The following RASGRP3 variants were observed in gnomAD, a reference collection of about 807,000 sequenced individuals.
RASGRP3 encodes the protein ras guanyl-releasing protein 3.
In RASGRP3, 54 loss-of-function variants were observed where a neutral mutation model predicts 82.7. That is an observed-to-expected ratio of 0.65 (90% CI 0.52 to 0.82). The LOEUF (loss-of-function observed/expected upper bound fraction) is 0.82. RASGRP3 is among the 40% of genes least tolerant of loss of function. The probability of loss-of-function intolerance (pLI) is 0.00; values close to 1 mark genes in which losing one functional copy is unlikely to be tolerated. For synonymous variants in RASGRP3, 309 were observed against 300.5 expected (o/e 1.03, Z -0.29); for missense variants, 861 against 828.9 (o/e 1.04, Z -0.48).
At chr2:33,437,033 ATATATAAAATTTAAATTT>A (rs1244938032) in intron 1 of RASGRP3, among the ~76,000 whole-genome samples, 2 of 151,854 alleles carry the variant, frequency 1.3e-5, no homozygotes, top group Admixed American at 1.3e-4. Flanking sequence ...TATAAAAGTT[ATATATAAAATTTAAATTT>A]TGTATAAAAT....
At chr2:33,559,767 T>C in intron 17 of RASGRP3, 2 of 405,620 alleles carry the variant, frequency 4.9e-6, no homozygotes, top group Non-Finnish European at 9.9e-6. Flanking sequence ...ATTGTTCTCA[T>C]AAACAGAATA....
intron 12 of RASGRP3, among the ~76,000 whole-genome samples, chr2:33,543,174 A>C (rs1019252108): frequency 2.0e-5 from 3 of 152,066 alleles, no homozygotes; most frequent in Non-Finnish European, 4.4e-5. Flanking sequence ...CACCGTGCCC[A>C]GCTAATTAAA....
chr2:33,460,841 C>A (rs1307770269), intron 2 of RASGRP3, among the ~76,000 whole-genome samples: 1 of 152,098 alleles, frequency 6.6e-6, no homozygotes, highest in Non-Finnish European at 1.5e-5. Context: ...TAACATAAAT[C>A]ACACACACAG....
intron 2 of RASGRP3, among the ~76,000 whole-genome samples, chr2:33,451,154 G>T (rs564393479): frequency 2.8e-4 from 43 of 151,998 alleles, no homozygotes; most frequent in African/African-American, 1.0e-3. Flanking sequence ...GTGAGCCACC[G>T]TGCCCAGCTG....
intron 1 of RASGRP3, among the ~76,000 whole-genome samples, chr2:33,480,262 C>T (rs1460839958): frequency 6.6e-6 from 1 of 152,136 alleles, no homozygotes; most frequent in Non-Finnish European, 1.5e-5. Context: ...CCAGGATGCT[C>T]TCGATCTCCT....
intron 11 of RASGRP3, among the ~76,000 whole-genome samples, chr2:33,535,766 C>T (rs1673544094): frequency 6.6e-6 from 1 of 152,216 alleles, no homozygotes; most frequent in African/African-American, 2.4e-5. Context: ...CTCTTTAAAG[C>T]TAGCAAGAGT....
intron 11 of RASGRP3, among the ~76,000 whole-genome samples, chr2:33,538,057 A>T (rs985148929): frequency 6.6e-6 from 1 of 152,236 alleles, no homozygotes; most frequent in Non-Finnish European, 1.5e-5. Flanking sequence ...CTGATCACTA[A>T]GTATTAGAGA....
chr2:33,558,333 C>G lies in RASGRP3; in HGVS notation c.1702C>G (p.Pro568Ala). ...GSLPGSPSLP[P>A]AQDEVFEFPG... The stretch of plus-strand genomic sequence containing the variant: ...ACTGCCTGGAAGCCCCTCGCTGCCC[C>G]CAGGTAATGCCCTCTGCTTTCTTTG... The change falls in exon 16 of 18, where the codon CCA becomes GCA. Residue 568 changes from proline to alanine, a missense_variant. Coordinates refer to ENST00000403687, the MANE Select transcript of RASGRP3 (RefSeq NM_001139488.2). The G allele has an allele frequency of 6.2e-7, 1 of 1,613,240 alleles. No individual in the cohort carries two copies. Among genetic ancestry groups the G allele is most frequent in the Non-Finnish European group, 8.5e-7 (1 of 1,179,874 alleles).
chr2:33,524,663 T>A, intron 9 of RASGRP3, 115 bp downstream of exon 9: 1 of 748,500 alleles, frequency 1.3e-6, no homozygotes, highest in Non-Finnish European at 2.1e-6. Flanking sequence ...CTTAAACCAG[T>A]GGTAGGTTAT....
intron 10 of RASGRP3, among the ~76,000 whole-genome samples, chr2:33,531,214 G>A (rs1356011657): frequency 6.6e-6 from 1 of 152,082 alleles, no homozygotes; most frequent in African/African-American, 2.4e-5. Flanking sequence ...AGGATAGGTT[G>A]GTAAATGCAA....
At chr2:33,552,811 G>C (rs983254139) in intron 14 of RASGRP3, among the ~76,000 whole-genome samples, 6 of 152,222 alleles carry the variant, frequency 3.9e-5, no homozygotes, top group African/African-American at 4.8e-5. Context: ...AGGTCACACA[G>C]ATCATTAGCA....
chr2:33,551,171 G>A (rs546997929), intron 14 of RASGRP3, among the ~76,000 whole-genome samples: 1 of 152,214 alleles, frequency 6.6e-6, no homozygotes, highest in African/African-American at 2.4e-5. Context: ...AAATTAGCAG[G>A]GCATGGTGGC....
chr2:33,558,704 A>G lies in RASGRP3; in HGVS notation c.1738A>G (p.Thr580Ala). The change falls in exon 17 of 18, where the codon ACT becomes GCT. Residue 580 changes from threonine (T) to alanine (A), a missense_variant. Thr to Ala is a moderately conservative substitution (Grantham distance 58). Transcript: ENST00000403687. The stretch of plus-strand genomic sequence containing the variant: ...TGAGGTGTTTGAGTTCCCTGGAGTC[A>G]CTGCTGGACACAGGGATTTAGACAG... ...QDEVFEFPGVTAGHRDLDSRA... is the reference protein window; with the variant it reads ...QDEVFEFPGVAAGHRDLDSRA... 1.2e-6 allele frequency: 2 copies of G among 1,609,696 alleles called. No individual in the cohort carries two copies. The highest frequency in any genetic ancestry group is 2.2e-5 in the South Asian group (2 of 90,166).
chr2:33,556,334 G>A (rs1248416666), intron 15 of RASGRP3, among the ~76,000 whole-genome samples: 3 of 88,234 alleles, frequency 3.4e-5, no homozygotes, highest in Non-Finnish European at 6.0e-5. Context: ...TGCAAGCTCC[G>A]CTTCCCGGGT....
At position 33,479,486 on chromosome 2, in the gene RASGRP3, G is replaced by A. The variant is rs373173533; in HGVS notation, c.-261+2779G>A. ...TTATCAGACCCATCCCCTTTGCTCA[G>A]CCTGGAAGGTTGGTTGTCCGAGTAG... On this transcript the variant is annotated intron_variant, in intron 1 of 17. Transcript: ENST00000403687. 1.1e-4 allele frequency among the ~76,000 whole-genome samples: 17 copies of A among 152,144 alleles called. No homozygotes were observed. In the East Asian group the frequency reaches 1.3e-3, roughly 12 times the overall value.
upstream of RASGRP3, among the ~76,000 whole-genome samples, chr2:33,472,004 G>T (rs1667085141): frequency 6.6e-6 from 1 of 151,836 alleles, no homozygotes; most frequent in Non-Finnish European, 1.5e-5. Context: ...ACAGAATATG[G>T]CCAATTTCTT....
At chr2:33,472,642 G>A (rs936768803), upstream of RASGRP3, among the ~76,000 whole-genome samples, 1 of 152,094 alleles carries the variant, frequency 6.6e-6, no homozygotes, top group Non-Finnish European at 1.5e-5. Context: ...TTTTCAAGGG[G>A]TGGTTGGTCA....
At chr2:33,492,517 T>C (rs1668942673) in intron 1 of RASGRP3, among the ~76,000 whole-genome samples, 1 of 152,156 alleles carries the variant, frequency 6.6e-6, no homozygotes, top group East Asian at 1.9e-4. Context: ...TGTTTGAAGA[T>C]AGAGCCTATA....
chr2:33,512,488 T>C (rs1216337490), intron 2 of RASGRP3, among the ~76,000 whole-genome samples: 2 of 152,216 alleles, frequency 1.3e-5, no homozygotes, highest in African/African-American at 4.8e-5. Flanking sequence ...GAGTTTACAT[T>C]AGAGGAATCA....
Sources: gnomAD v4.1 joint callset for allele counts (sites outside exome capture counted in the v4.1 genomes callset) on GRCh38, gnomAD v4.1.1 for gene constraint, MANE v1.5 for transcripts, NCBI Gene and HGNC (gene_info 2026-07-23, HGNC 2026-07-21) for gene names.